The following NRXN3 variants were observed in gnomAD, a reference collection of about 807,000 sequenced individuals.
NRXN3 encodes the protein neurexin 3.
A neutral mutation model predicts 137.6 loss-of-function variants in NRXN3; 32 were observed. That is an observed-to-expected ratio of 0.23 (90% CI 0.18 to 0.31). The LOEUF is 0.31. Among genes scored for constraint, NRXN3 ranks in the 10% least tolerant of loss-of-function variants. The pLI is 1.00. For missense variants in NRXN3, 1,574 were observed against 2,062.5 expected (o/e 0.76, Z 4.59); for synonymous variants, 798 against 784.5 (o/e 1.02, Z -0.29).
intron 1 of NRXN3, among the ~76,000 whole-genome samples, chr14:78,174,576 T>C (rs552244021): frequency 6.6e-6 from 1 of 152,294 alleles, no homozygotes; most frequent in South Asian, 2.1e-4. Flanking sequence ...CATAGGATTG[T>C]CAACACTGTG....
chr14:79,728,418 G>GAGAT (rs761026494), intron 19 of NRXN3, among the ~76,000 whole-genome samples: 1 of 152,134 alleles, frequency 6.6e-6, no homozygotes, highest in Non-Finnish European at 1.5e-5. Flanking sequence ...CTCCTCCCAG[G>GAGAT]AGATAGCTCC....
At chr14:78,662,067 G>A in intron 6 of NRXN3, among the ~76,000 whole-genome samples, 1 of 149,818 alleles carries the variant, frequency 6.7e-6, no homozygotes, top group African/African-American at 2.4e-5. Flanking sequence ...GTAGAGAAGG[G>A]GTTTCACCAT....
At chr14:79,803,103 T>C (rs938484518) in intron 19 of NRXN3, among the ~76,000 whole-genome samples, 1 of 152,198 alleles carries the variant, frequency 6.6e-6, no homozygotes, top group Admixed American at 6.5e-5. Context: ...GTTTGAATTA[T>C]ACCCCTTTCA....
chr14:78,665,047 G>T (rs967735769), intron 6 of NRXN3, among the ~76,000 whole-genome samples: 2 of 152,188 alleles, frequency 1.3e-5, no homozygotes, highest in Non-Finnish European at 2.9e-5. Context: ...GAGTGGGAGT[G>T]TGTGGTGAAT....
intron 19 of NRXN3, among the ~76,000 whole-genome samples, chr14:79,700,881 G>T (rs892067579): frequency 2.0e-5 from 3 of 152,044 alleles, no homozygotes; most frequent in African/African-American, 7.2e-5. Context: ...ATCCTACATT[G>T]AGAAGGATAG....
intron 4 of NRXN3, among the ~76,000 whole-genome samples, chr14:78,550,131 C>A (rs376486980): frequency 1.3e-5 from 2 of 151,036 alleles, no homozygotes; most frequent in African/African-American, 2.4e-5. Context: ...CCTCCCCAGG[C>A]TCAAGTGATC....
intron 15 of NRXN3, among the ~76,000 whole-genome samples, chr14:79,118,084 C>G (rs987535089): frequency 6.6e-6 from 1 of 150,726 alleles, no homozygotes; most frequent in Non-Finnish European, 1.5e-5. Flanking sequence ...CCTGCTGGGA[C>G]TGTGGCATTT....
At chr14:79,634,184 G>A (rs1468247396) in intron 16 of NRXN3, among the ~76,000 whole-genome samples, 1 of 152,158 alleles carries the variant, frequency 6.6e-6, no homozygotes, top group African/African-American at 2.4e-5. Flanking sequence ...AAACAGGGTG[G>A]CTAGCCCTAG....
At chr14:79,337,692 G>T (rs182208990) in intron 15 of NRXN3, among the ~76,000 whole-genome samples, 48 of 152,174 alleles carry the variant, frequency 3.2e-4, no homozygotes, top group Non-Finnish European at 1.6e-4. Flanking sequence ...TGACATTTCT[G>T]GCTGCCAATT....
chr14:79,779,517 A>G (rs2099107351), intron 19 of NRXN3, among the ~76,000 whole-genome samples: 1 of 152,164 alleles, frequency 6.6e-6, no homozygotes, highest in Non-Finnish European at 1.5e-5. Flanking sequence ...TCTCAGGTTC[A>G]TTTGTCTGGA....
intron 16 of NRXN3, among the ~76,000 whole-genome samples, chr14:79,595,177 C>T (rs541900748): frequency 1.3e-5 from 2 of 152,178 alleles, no homozygotes; most frequent in Non-Finnish European, 2.9e-5. Context: ...GTCACCCTTT[C>T]TCTAGCCAGT....
At chr14:79,351,941 T>C (rs1330150601) in intron 15 of NRXN3, among the ~76,000 whole-genome samples, 2 of 152,170 alleles carry the variant, frequency 1.3e-5, no homozygotes, top group African/African-American at 2.4e-5. Flanking sequence ...ATGAGAACAA[T>C]AGGCGCTTTA....
intron 17 of NRXN3, among the ~76,000 whole-genome samples, chr14:79,668,712 C>T (rs772754997): frequency 2.6e-5 from 4 of 152,056 alleles, no homozygotes; most frequent in South Asian, 4.2e-4. Flanking sequence ...AGGAAGGGGG[C>T]GGGGTACTGT....
intron 16 of NRXN3, among the ~76,000 whole-genome samples, chr14:79,609,117 G>C (rs1463842929): frequency 2.0e-5 from 3 of 151,916 alleles, no homozygotes; most frequent in African/African-American, 7.2e-5. Context: ...TTAACCCCTA[G>C]GTCTCCTTCA....
At chr14:79,351,679 A>G (rs2093214851) in intron 15 of NRXN3, among the ~76,000 whole-genome samples, 1 of 152,190 alleles carries the variant, frequency 6.6e-6, no homozygotes, top group Admixed American at 6.5e-5. Context: ...CTATAGCTTT[A>G]ATAACGTGAT....
At chr14:79,269,119 G>A (rs926819964) in intron 15 of NRXN3, among the ~76,000 whole-genome samples, 12 of 151,968 alleles carry the variant, frequency 7.9e-5, no homozygotes, top group African/African-American at 2.7e-4. Flanking sequence ...GCACAATCTC[G>A]GCTCACTGCA....
chr14:79,525,501 C>G (rs1250060135), intron 16 of NRXN3, among the ~76,000 whole-genome samples: 1 of 152,174 alleles, frequency 6.6e-6, no homozygotes, highest in Admixed American at 6.5e-5. Flanking sequence ...TTCCTTTTAG[C>G]TGCAAACCTA....
At position 78,192,103 on chromosome 14, in the gene NRXN3, T is replaced by TGA. The variant is rs1219317176; in HGVS notation, c.-704+21430_-704+21431insAG. 5.4e-4 allele frequency among the ~76,000 whole-genome samples: 75 copies of TGA among 137,680 alleles called. 1 individual carries two copies. The South Asian group carries it at 5.5e-3, about 10-fold the overall frequency. The allele number at this position is 137,680 out of a possible 152,430, so 90.3% of individuals were successfully genotyped here. On this transcript the variant is annotated intron_variant, in intron 1 of 20. Coordinates refer to ENST00000335750, the MANE Select transcript of NRXN3 (RefSeq NM_001330195.2). ...GTGTGTGTGTGTGTGTGTGTGTGTG[T>TGA]GTGTGAGAGAGAGAGCATACATGTG...
At chr14:78,421,256 C>A (rs1192289307) in intron 4 of NRXN3, among the ~76,000 whole-genome samples, 1 of 129,182 alleles carries the variant, frequency 7.7e-6, no homozygotes, top group Non-Finnish European at 1.7e-5. Flanking sequence ...ACTGAGACTC[C>A]ATCTCAAAAA....
Sources: allele counts gnomAD v4.1 joint callset (sites outside exome capture counted in the v4.1 genomes callset), GRCh38; gene constraint gnomAD v4.1.1; transcripts MANE v1.5; gene names NCBI Gene and HGNC (gene_info 2026-07-23, HGNC 2026-07-21).